ELOVL2: variants seen among roughly 807,000 people sequenced by gnomAD.
The protein encoded by ELOVL2 is very long chain fatty acid elongase 2.
Under a neutral mutation model 37.7 loss-of-function variants are expected in ELOVL2, and 38 were observed. The ratio of observed to expected loss-of-function variants is 1.01; its 90% confidence interval spans 0.78 to 1.32. The LOEUF (loss-of-function observed/expected upper bound fraction) is 1.32, where lower values mean the gene tolerates loss of function less well. ELOVL2 is among the 40% of genes most tolerant of loss of function. The pLI, the probability that ELOVL2 is intolerant of heterozygous loss-of-function variation, is 0.00. For missense variants in ELOVL2, 352 were observed against 363.6 expected (o/e 0.97, Z 0.26); for synonymous variants, 115 against 122.3 (o/e 0.94, Z 0.40).
rs1323889550 is a variant in ELOVL2, at chr6:10,995,714, A to G, written c.334-536T>C. 6.6e-5 allele frequency among the ~76,000 whole-genome samples: 10 copies of G among 152,286 alleles called. No individual in the cohort carries two copies. The East Asian group carries it at 1.7e-3, about 26-fold the overall frequency. On this transcript the variant is annotated intron_variant, in intron 4 of 7. Coordinates refer to ENST00000354666, the MANE Select transcript of ELOVL2 (RefSeq NM_017770.4). ...TGAACTGCTGCTTCATTTGTATTCA[A>G]ATTACTTTAACTGTGGCTCCATAAT... is the stretch of plus-strand genomic sequence containing the variant.
chr6:11,035,692 G>A (rs1437414835), intron 1 of ELOVL2, among the ~76,000 whole-genome samples: 1 of 152,186 alleles, frequency 6.6e-6, no homozygotes, highest in Non-Finnish European at 1.5e-5. Flanking sequence ...ATTAGACTAA[G>A]TCTTTCTATT....
chr6:10,984,246 G>C (rs1379297839), intron 7 of ELOVL2, among the ~76,000 whole-genome samples: 2 of 152,078 alleles, frequency 1.3e-5, no homozygotes, highest in African/African-American at 4.8e-5. Flanking sequence ...TTGAACTCCT[G>C]ACCTCAGATG....
intron 1 of ELOVL2, among the ~76,000 whole-genome samples, chr6:11,028,500 C>CT (rs1782869720): frequency 6.6e-6 from 1 of 151,976 alleles, no homozygotes; most frequent in African/African-American, 2.4e-5. Flanking sequence ...TGGTTATAGG[C>CT]TTTTTTACCT....
chr6:11,036,055 A>G (rs963367889), intron 1 of ELOVL2, among the ~76,000 whole-genome samples: 3 of 150,796 alleles, frequency 2.0e-5, no homozygotes, highest in African/African-American at 7.2e-5. Flanking sequence ...TATTAATTCC[A>G]AAGTTTACAC....
At chr6:11,042,358 T>TAA (rs201731620) in intron 1 of ELOVL2, among the ~76,000 whole-genome samples, 1 of 150,786 alleles carries the variant, frequency 6.6e-6, no homozygotes, top group East Asian at 2.0e-4. Flanking sequence ...ATTTGGGTAT[T>TAA]AAAAAAAAAT....
intron 1 of ELOVL2, chr6:11,043,823 C>CAGGTTCGG (rs1326231904): frequency 1.0e-4 from 17 of 169,998 alleles, no homozygotes; most frequent in African/African-American, 3.8e-4. Flanking sequence ...GTGGCGAGAG[C>CAGGTTCGG]AGGTTCGGGG....
intron 1 of ELOVL2, among the ~76,000 whole-genome samples, chr6:11,035,672 T>C (rs1009053814): frequency 2.6e-5 from 4 of 152,248 alleles, no homozygotes; most frequent in Admixed American, 6.5e-5. Flanking sequence ...ATAATATTAC[T>C]AGTCGCATTA....
At chr6:11,012,792 T>C (rs1782607094) in intron 1 of ELOVL2, among the ~76,000 whole-genome samples, 1 of 152,220 alleles carries the variant, frequency 6.6e-6, no homozygotes, top group Admixed American at 6.5e-5. Context: ...ATTTGAGGAT[T>C]TTATATACTA....
intron 1 of ELOVL2, among the ~76,000 whole-genome samples, chr6:11,040,787 T>TGA (rs1783087245): frequency 6.6e-6 from 1 of 152,138 alleles, no homozygotes; most frequent in African/African-American, 2.4e-5. Context: ...ACCATCATAT[T>TGA]TGTTCCTCCC....
chr6:10,989,510 G>A (rs368103107), intron 7 of ELOVL2, among the ~76,000 whole-genome samples, 193 bp downstream of exon 7: 20 of 152,018 alleles, frequency 1.3e-4, no homozygotes, highest in African/African-American at 2.9e-4. Flanking sequence ...ACAATTAGCC[G>A]GGCCTCTAAT....
At chr6:11,017,763 A>T (rs372851307) in intron 1 of ELOVL2, among the ~76,000 whole-genome samples, 1 of 152,228 alleles carries the variant, frequency 6.6e-6, no homozygotes, top group South Asian at 2.1e-4. Context: ...TTTTCTTTAC[A>T]GCACGTATTA....
chr6:11,025,347 T>C (rs1361881403), intron 1 of ELOVL2, among the ~76,000 whole-genome samples: 1 of 152,178 alleles, frequency 6.6e-6, no homozygotes, highest in African/African-American at 2.4e-5. Context: ...GCTTCATATA[T>C]GGCGCCAATG....
chr6:10,984,790 T>C (rs938907121), intron 7 of ELOVL2, among the ~76,000 whole-genome samples: 72 of 152,110 alleles, frequency 4.7e-4, no homozygotes, highest in Non-Finnish European at 9.1e-4. Context: ...TTCCAAGTCT[T>C]TGCTATTGTG....
chr6:11,009,447 C>G (rs1273990531), intron 2 of ELOVL2, among the ~76,000 whole-genome samples: 1 of 151,960 alleles, frequency 6.6e-6, no homozygotes, highest in Non-Finnish European at 1.5e-5. Flanking sequence ...CATGGTTGAC[C>G]ACGGGTAACT....
rs1466030338 is a variant in ELOVL2, at chr6:10,995,110, A to T, written c.402T>A (p.Val134=). The part of the protein sequence containing the change: ...SVEFLDTIFF[V]LRKKTSQITF... ...TAATCTGACTCGTTTTTTTCCGCAA[A>T]ACGAAGAAAATTGTGTCCAGGAACT... The change falls in exon 5 of 8, where the codon GTT becomes GTA. Residue 134 remains valine, a synonymous_variant. Coordinates refer to ENST00000354666, the MANE Select transcript of ELOVL2 (RefSeq NM_017770.4). The T allele has an allele frequency of 6.2e-7, 1 of 1,613,518 alleles. No individual in the cohort carries two copies. Among genetic ancestry groups the T allele is most frequent in the Admixed American group, 1.7e-5 (1 of 59,982 alleles).
intron 5 of ELOVL2, among the ~76,000 whole-genome samples, chr6:10,992,512 C>T (rs1013363391): frequency 3.3e-5 from 5 of 152,172 alleles, no homozygotes; most frequent in African/African-American, 1.2e-4. Context: ...AGGATTAGGC[C>T]GGGCGTGGTG....
At chr6:11,040,449 A>G (rs182623684) in intron 1 of ELOVL2, among the ~76,000 whole-genome samples, 334 of 152,046 alleles carry the variant, frequency 2.2e-3, no homozygotes, top group Non-Finnish European at 3.7e-3. Context: ...ATTTTCTATG[A>G]AAAAAAACAA....
At chr6:11,041,942 T>C (rs1783103824) in intron 1 of ELOVL2, among the ~76,000 whole-genome samples, 1 of 152,176 alleles carries the variant, frequency 6.6e-6, no homozygotes, top group Non-Finnish European at 1.5e-5. Context: ...GATGTCTCTC[T>C]GAACTGACCC....
At chr6:11,017,398 C>T (rs1290993461) in intron 1 of ELOVL2, among the ~76,000 whole-genome samples, 1 of 152,096 alleles carries the variant, frequency 6.6e-6, no homozygotes, top group African/African-American at 2.4e-5. Context: ...GCTTGGATAG[C>T]GGAGAATGAT....
Sources: allele counts gnomAD v4.1 joint callset (sites outside exome capture counted in the v4.1 genomes callset), GRCh38; gene constraint gnomAD v4.1.1; transcripts MANE v1.5; gene names NCBI Gene and HGNC (gene_info 2026-07-23, HGNC 2026-07-21).